MCTP1: variants seen among roughly 807,000 people sequenced by gnomAD.
MCTP1 encodes the protein multiple C2 and transmembrane domain containing 1.
Under a neutral mutation model 120.6 loss-of-function variants are expected in MCTP1, and 69 were observed. That is an observed-to-expected ratio of 0.57 (90% confidence interval 0.47 to 0.70). The LOEUF (loss-of-function observed/expected upper bound fraction) is 0.70. Among genes scored for constraint, MCTP1 ranks in the 30% least tolerant of loss-of-function variants. The pLI is 0.00. For missense variants in MCTP1, 1,203 were observed against 1,248.8 expected (o/e 0.96, Z 0.55); for synonymous variants, 529 against 493.1 (o/e 1.07, Z -0.96).
intron 1 of MCTP1, among the ~76,000 whole-genome samples, chr5:95,216,698 C>T (rs1582562937): frequency 6.6e-6 from 1 of 152,120 alleles, no homozygotes; most frequent in East Asian, 1.9e-4. Flanking sequence ...ATTATAAATT[C>T]TTGTTATAAA....
intron 1 of MCTP1, among the ~76,000 whole-genome samples, chr5:95,129,916 C>T (rs1758919264): frequency 6.6e-6 from 1 of 152,124 alleles, no homozygotes; most frequent in African/African-American, 2.4e-5. Context: ...CTGCCTTGGC[C>T]TCCCAGAGTA....
At chr5:95,071,238 C>T (rs1346314354) in intron 1 of MCTP1, among the ~76,000 whole-genome samples, 6 of 152,326 alleles carry the variant, frequency 3.9e-5, no homozygotes, top group Admixed American at 1.3e-4. Flanking sequence ...TGAGGCAGCA[C>T]GTGCAGCCCA....
At chr5:94,838,143 C>A (rs765078830) in intron 17 of MCTP1, among the ~76,000 whole-genome samples, 2 of 152,146 alleles carry the variant, frequency 1.3e-5, no homozygotes, top group Non-Finnish European at 2.9e-5. Context: ...TACATTTAGG[C>A]CATATGGTTT....
chr5:95,208,398 AT>A (rs1582533374), intron 1 of MCTP1, among the ~76,000 whole-genome samples: 1 of 152,142 alleles, frequency 6.6e-6, no homozygotes, highest in South Asian at 2.1e-4. Context: ...GCCAACTGCC[AT>A]TTTTTAATTC....
intron 17 of MCTP1, among the ~76,000 whole-genome samples, chr5:94,836,265 C>A (rs1349976730): frequency 2.6e-5 from 4 of 151,146 alleles, no homozygotes; most frequent in Admixed American, 2.6e-4. Context: ...AAGGATAAAC[C>A]CATCTGTAGG....
chr5:95,272,142 C>T (rs1329413224), intron 1 of MCTP1, among the ~76,000 whole-genome samples: 1 of 152,046 alleles, frequency 6.6e-6, no homozygotes, highest in African/African-American at 2.4e-5. Flanking sequence ...ATAAACCATG[C>T]CTGGTAAAGG....
chr5:94,791,040 A>G (rs1778783292), intron 18 of MCTP1, among the ~76,000 whole-genome samples: 1 of 145,804 alleles, frequency 6.9e-6, no homozygotes, highest in African/African-American at 2.5e-5. Flanking sequence ...TGGGAGGCCG[A>G]GGCAGGCAGA....
chr5:95,054,920 G>A lies in MCTP1; in HGVS notation c.721-37436C>T, dbSNP rs540995013. Among the ~76,000 whole-genome samples the A allele has an allele frequency of 3.9e-5, 6 of 152,196 alleles. No homozygotes were observed. The East Asian group carries it at 1.2e-3, about 29-fold the overall frequency. On this transcript the variant is annotated intron_variant, in intron 1 of 22. Transcript: ENST00000515393. ...CCTCCCAAGATCAAGCGATTCTCCTGCCTCAGCCTCCCGAGTAGCTGGGAC... is the reference window on the plus strand; with the variant it reads ...CCTCCCAAGATCAAGCGATTCTCCTACCTCAGCCTCCCGAGTAGCTGGGAC...
At chr5:94,723,870 TG>T (rs1761485730) in intron 19 of MCTP1, among the ~76,000 whole-genome samples, 1 of 139,988 alleles carries the variant, frequency 7.1e-6, no homozygotes, top group Non-Finnish European at 1.6e-5. Flanking sequence ...AAGGAAAGAA[TG>T]GAAAAAAAAG....
chr5:94,744,179 G>T (rs1766321325), intron 19 of MCTP1, among the ~76,000 whole-genome samples: 1 of 152,012 alleles, frequency 6.6e-6, no homozygotes. Context: ...ATGTTGCCCA[G>T]GCTGGTCTCT....
chr5:95,110,522 T>C (rs1038740072), intron 1 of MCTP1, among the ~76,000 whole-genome samples: 2 of 152,188 alleles, frequency 1.3e-5, no homozygotes, highest in African/African-American at 4.8e-5. Context: ...TTGGATGTTA[T>C]GTGAGTTAAA....
chr5:94,779,969 G>A (rs1315411098), intron 18 of MCTP1, among the ~76,000 whole-genome samples: 2 of 151,916 alleles, frequency 1.3e-5, no homozygotes, highest in Non-Finnish European at 2.9e-5. Flanking sequence ...ATTCAGAATG[G>A]GACTTCACTC....
chr5:95,026,569 G>A (rs973128306), intron 1 of MCTP1, among the ~76,000 whole-genome samples: 4 of 152,034 alleles, frequency 2.6e-5, no homozygotes, highest in Admixed American at 6.6e-5. Flanking sequence ...GGCTTATTTC[G>A]CTTAACAAAA....
At position 95,040,454 on chromosome 5, in the gene MCTP1, AAAAG is replaced by A. The variant is rs1244670108; in HGVS notation, c.721-22974_721-22971del. 6.2e-3 allele frequency among the ~76,000 whole-genome samples: 936 copies of A among 152,118 alleles called. 10 individuals carry two copies. Among genetic ancestry groups the A allele is most frequent in the African/African-American group, 0.022 (897 of 41,470 alleles). On this transcript the variant is annotated intron_variant, in intron 1 of 22. Coordinates refer to ENST00000515393, the MANE Select transcript of MCTP1 (RefSeq NM_024717.7). ...TATGACTCTGTCTCAAAAAAAAAAA[AAAAG>A]AAAGAAATTTTAAAGAAGATTTTTT...
chr5:94,867,295 C>A lies in MCTP1; in HGVS notation c.2436+1038G>T, dbSNP rs1797005451. On this transcript the variant is annotated intron_variant, in intron 17 of 22. Coordinates refer to ENST00000515393, the MANE Select transcript of MCTP1 (RefSeq NM_024717.7). ...CAACACGTCTATGGGAAGCAGGCTG[C>A]CTAACTTTCTGGTAACTTACAACAC... 1.2e-5 allele frequency: 19 copies of A among 1,531,454 alleles called. No homozygotes were observed. The South Asian group carries it at 2.2e-4, about 17-fold the overall frequency. The allele number at this position is 1,531,454 out of a possible 1,614,324, so 94.9% of individuals were successfully genotyped here. A position where few individuals can be genotyped will look rare whatever the true frequency, so the allele number is the denominator to read the frequency against.
chr5:95,267,722 C>T (rs1170899272), intron 1 of MCTP1, among the ~76,000 whole-genome samples: 1 of 152,186 alleles, frequency 6.6e-6, no homozygotes, highest in Non-Finnish European at 1.5e-5. Context: ...CCCTTCAAGG[C>T]TGAGCATCTG....
intron 2 of MCTP1, among the ~76,000 whole-genome samples, chr5:95,005,586 A>T (rs1834551339): frequency 6.6e-6 from 1 of 151,868 alleles, no homozygotes; most frequent in African/African-American, 2.4e-5. Flanking sequence ...TTCTCAAGAG[A>T]TCTAGTTGTT....
At chr5:95,147,928 A>G (rs1760548892) in intron 1 of MCTP1, among the ~76,000 whole-genome samples, 1 of 152,136 alleles carries the variant, frequency 6.6e-6, no homozygotes, top group South Asian at 2.1e-4. Flanking sequence ...TGCTTGTCTG[A>G]GAAGAATTTT....
Position 94,917,828 on chromosome 5 carries a change from T to C in MCTP1, c.1350+68A>G. ...GGGAGTGGGTTTTCAGTACAGTAAG[T>C]TGGCTCTCAGAAATCCCAGCTCATG... On this transcript the variant is annotated intron_variant, in intron 8 of 22. Transcript: ENST00000515393. 4.0e-6 allele frequency: 5 copies of C among 1,253,020 alleles called. 1 individual carries two copies. In the South Asian group the frequency reaches 4.9e-5, roughly 12 times the overall value. The allele number at this position is 1,253,020 out of a possible 1,614,324, so 77.6% of individuals were successfully genotyped here.
Sources: allele counts gnomAD v4.1 joint callset (sites outside exome capture counted in the v4.1 genomes callset), GRCh38; gene constraint gnomAD v4.1.1; transcripts MANE v1.5; gene names NCBI Gene and HGNC (gene_info 2026-07-23, HGNC 2026-07-21).